C12orf42: variants seen among roughly 807,000 people sequenced by gnomAD.
C12orf42 encodes uncharacterized protein C12orf42.
A neutral mutation model predicts 21.6 loss-of-function variants in C12orf42; 25 were observed. That is an observed-to-expected ratio of 1.16 (90% CI 0.84 to 1.62). The LOEUF is 1.62. Ranked by LOEUF, C12orf42 falls within the 40% of genes most tolerant of loss-of-function variation. C12orf42 has a pLI of 0.00. For synonymous variants in C12orf42, 174 were observed against 175.0 expected (o/e 0.99, Z 0.05); for missense variants, 483 against 459.3 (o/e 1.05, Z -0.47).
At chr12:103,416,930 T>C (rs1437523168) in intron 2 of C12orf42, among the ~76,000 whole-genome samples, 1 of 152,158 alleles carries the variant, frequency 6.6e-6, no homozygotes, top group African/African-American at 2.4e-5. Flanking sequence ...GGAGAATGGA[T>C]TGATGTAATT....
intron 3 of C12orf42, chr12:103,378,791 A>G (rs1021351215): frequency 6.6e-6 from 1 of 152,200 alleles, no homozygotes; most frequent in African/African-American, 2.4e-5. Flanking sequence ...CAATAGCTTG[A>G]TCTGGAAAAT....
At chr12:103,165,444 G>A in the C12orf42 span, among the ~76,000 whole-genome samples, 2 of 152,142 alleles carry the variant, frequency 1.3e-5, no homozygotes, top group South Asian at 4.1e-4. Context: ...TCTTCATGAC[G>A]AAATTCACCT....
chr12:103,553,473 T>C, the C12orf42 span, among the ~76,000 whole-genome samples: 74 of 152,186 alleles, frequency 4.9e-4, no homozygotes, highest in African/African-American at 1.7e-3. Context: ...CCAGAAAAGA[T>C]TTTTCCCATC....
intron 4 of C12orf42, among the ~76,000 whole-genome samples, chr12:103,286,484 A>G (rs1458422623): frequency 6.6e-6 from 1 of 151,474 alleles, no homozygotes; most frequent in Non-Finnish European, 1.5e-5. Context: ...ATAAAATAAT[A>G]TCATAGTAAC....
chr12:103,182,135 T>TTTTTTTTTTTTTTTTTTTTTTTTGAG, the C12orf42 span, among the ~76,000 whole-genome samples: 1 of 152,146 alleles, frequency 6.6e-6, no homozygotes, highest in Non-Finnish European at 1.5e-5. Flanking sequence ...TCTCTTAATT[T>TTTTTTTTTTTTTTTTTTTTTTTTGAG]AGGCTGCTAA....
chr12:103,286,367 C>A (rs1266761019), intron 4 of C12orf42, among the ~76,000 whole-genome samples: 1 of 151,622 alleles, frequency 6.6e-6, no homozygotes, highest in South Asian at 2.1e-4. Flanking sequence ...GTTACTAGCA[C>A]AATTGTTAGA....
the C12orf42 span, among the ~76,000 whole-genome samples, chr12:103,549,207 T>C: frequency 6.6e-6 from 1 of 152,244 alleles, no homozygotes; most frequent in Non-Finnish European, 1.5e-5. Context: ...ACATTGTGTA[T>C]ACATCTTTTA....
chr12:103,180,190 C>A, the C12orf42 span, among the ~76,000 whole-genome samples: 1 of 151,776 alleles, frequency 6.6e-6, no homozygotes, highest in African/African-American at 2.4e-5. Flanking sequence ...GCAAAAAGCT[C>A]TTACATATTA....
intron 10 of C12orf42, among the ~76,000 whole-genome samples, chr12:103,256,396 A>G (rs1297997980): frequency 6.6e-6 from 1 of 151,824 alleles, no homozygotes; most frequent in African/African-American, 2.4e-5. Context: ...GCAACAAGGT[A>G]TGTGCCCTGA....
intron 4 of C12orf42, among the ~76,000 whole-genome samples, chr12:103,334,650 C>T (rs898884308): frequency 1.3e-5 from 2 of 152,122 alleles, no homozygotes; most frequent in South Asian, 2.1e-4. Context: ...ATTTCCCCTG[C>T]GTTCCCAGCC....
chr12:103,517,470 A>G, the C12orf42 span, among the ~76,000 whole-genome samples: 1 of 152,230 alleles, frequency 6.6e-6, no homozygotes, highest in South Asian at 2.1e-4. Flanking sequence ...GCTGATGCCA[A>G]ACATGAAATG....
chr12:103,071,475 T>C, the C12orf42 span, among the ~76,000 whole-genome samples: 1 of 152,120 alleles, frequency 6.6e-6, no homozygotes, highest in Non-Finnish European at 1.5e-5. Flanking sequence ...CTAACATTGA[T>C]GTTGATATGA....
At chr12:103,330,402 C>T (rs912316613) in intron 4 of C12orf42, among the ~76,000 whole-genome samples, 10 of 152,220 alleles carry the variant, frequency 6.6e-5, no homozygotes, top group South Asian at 2.1e-4. Flanking sequence ...TTACTCCCAG[C>T]GGTACATACG....
At chr12:103,058,080 T>G in the C12orf42 span, among the ~76,000 whole-genome samples, 4 of 151,768 alleles carry the variant, frequency 2.6e-5, no homozygotes, top group African/African-American at 9.7e-5. Context: ...CTCAGCCTCC[T>G]GAGTAGCTGG....
intron 3 of C12orf42, among the ~76,000 whole-genome samples, chr12:103,387,501 C>G (rs1054821700): frequency 6.6e-6 from 1 of 152,190 alleles, no homozygotes; most frequent in Non-Finnish European, 1.5e-5. Flanking sequence ...TGTCCAGAAC[C>G]TCTATATGTG....
chr12:103,403,104 G>A (rs1030430912), intron 2 of C12orf42, among the ~76,000 whole-genome samples: 1 of 152,086 alleles, frequency 6.6e-6, no homozygotes, highest in Non-Finnish European at 1.5e-5. Context: ...GGCCAGGCAC[G>A]GTGGCTCACA....
intron 4 of C12orf42, among the ~76,000 whole-genome samples, chr12:103,352,344 T>G (rs933892392): frequency 6.6e-6 from 1 of 152,050 alleles, no homozygotes; most frequent in Non-Finnish European, 1.5e-5. Context: ...TATGAAGAAA[T>G]AAAAATAAGT....
At chr12:103,189,581 A>C in the C12orf42 span, among the ~76,000 whole-genome samples, 1 of 152,230 alleles carries the variant, frequency 6.6e-6, no homozygotes, top group Non-Finnish European at 1.5e-5. Flanking sequence ...AAATCTGCAT[A>C]GTGTAGGCCT....
At chr12:103,478,537 T>C (rs1954236988) in intron 1 of C12orf42, 90 bp from the exon 2 acceptor site, 1 of 539,046 alleles carries the variant, frequency 1.9e-6, no homozygotes, top group East Asian at 3.6e-5. Context: ...AGAGCCAGAA[T>C]CATCCTATCC....
Sources: allele counts gnomAD v4.1 joint callset (sites outside exome capture counted in the v4.1 genomes callset), GRCh38; gene constraint gnomAD v4.1.1; transcripts MANE v1.5; gene names NCBI Gene and HGNC (gene_info 2026-07-23, HGNC 2026-07-21).